The following HSD11B1 variants were observed in gnomAD, a reference collection of about 807,000 sequenced individuals.
HSD11B1 encodes the protein 11-beta-hydroxysteroid dehydrogenase 1.
Under a neutral mutation model 22.1 loss-of-function variants are expected in HSD11B1, and 15 were observed. The ratio of observed to expected loss-of-function variants is 0.68; its 90% CI spans 0.45 to 1.04. The LOEUF is 1.04. Among genes scored for constraint, HSD11B1 ranks in the 50% least tolerant of loss-of-function variants. HSD11B1 has a pLI of 0.00. For synonymous variants in HSD11B1, 122 were observed against 125.2 expected (o/e 0.97, Z 0.17); for missense variants, 281 against 357.6 (o/e 0.79, Z 1.73).
At chr1:209,702,625 C>G (rs1190887177), upstream of HSD11B1, among the ~76,000 whole-genome samples, 1 of 152,116 alleles carries the variant, frequency 6.6e-6, no homozygotes, top group Non-Finnish European at 1.5e-5. Context: ...ATGCCACTGC[C>G]CTGAATGCTA....
Position 209,704,992 on chromosome 1 carries a change from C to T in HSD11B1, c.50C>T (p.Ala17Val), listed in dbSNP as rs1276620104. Residue 17 changes from alanine to valine, a missense_variant, in exon 1 of 6, where the codon GCC becomes GTC. By Grantham distance (64) the Ala-to-Val change is moderately conservative. Coordinates refer to ENST00000367027, the MANE Select transcript of HSD11B1 (RefSeq NM_005525.4). ...YLLPILGLFM[A>V]YYYYSANEEF... ...CTCCCCATTCTGGGGCTCTTCATGGCCTACTACTACTATTCTGCAAACGAG... is the reference window on the plus strand; with the variant it reads ...CTCCCCATTCTGGGGCTCTTCATGGTCTACTACTACTATTCTGCAAACGAG... 1 of 1,613,842 alleles carries T rather than the reference C, an allele frequency of 6.2e-7. No individual in the cohort carries two copies.
At chr1:209,714,878 A>C (rs747122386) in intron 4 of HSD11B1, among the ~76,000 whole-genome samples, 1 of 152,234 alleles carries the variant, frequency 6.6e-6, no homozygotes, top group Non-Finnish European at 1.5e-5. Flanking sequence ...TGGCATCCTC[A>C]CATGGGGCAG....
chr1:209,722,558 C>A (rs1221302073), intron 4 of HSD11B1, among the ~76,000 whole-genome samples: 2 of 152,186 alleles, frequency 1.3e-5, no homozygotes, highest in African/African-American at 4.8e-5. Flanking sequence ...GATGACACCT[C>A]AGGTCTTCTG....
intron 1 of HSD11B1, among the ~76,000 whole-genome samples, chr1:209,687,858 A>G (rs2076737353): frequency 6.6e-6 from 1 of 152,240 alleles, no homozygotes; most frequent in African/African-American, 2.4e-5. Context: ...AATCTGTTTT[A>G]TAACTGTTAG....
At chr1:209,727,437 G>C (rs114225504) in intron 4 of HSD11B1, among the ~76,000 whole-genome samples, 1 of 152,212 alleles carries the variant, frequency 6.6e-6, no homozygotes, top group South Asian at 2.1e-4. Context: ...TTTATTTATG[G>C]GTATCCTCAT....
intron 4 of HSD11B1, among the ~76,000 whole-genome samples, chr1:209,718,834 A>G (rs998278016): frequency 1.3e-5 from 2 of 151,950 alleles, no homozygotes; most frequent in Non-Finnish European, 2.9e-5. Flanking sequence ...AGCCTGGCCA[A>G]TATGGTGAAA....
At chr1:209,687,494 A>G (rs1184680233) in intron 1 of HSD11B1, among the ~76,000 whole-genome samples, 2 of 152,256 alleles carry the variant, frequency 1.3e-5, no homozygotes, top group Non-Finnish European at 2.9e-5. Context: ...TACAGCTAAA[A>G]GTTCTCTGTG....
rs544513165 is a variant in HSD11B1, at chr1:209,734,711, T to G, written c.*190T>G. The G allele has an allele frequency of 5.2e-6, 3 of 575,136 alleles. No homozygotes were observed. The highest frequency in any genetic ancestry group is 9.4e-6 in the Non-Finnish European group (3 of 318,590). The allele number at this position is 575,136 out of a possible 1,614,324, so 35.6% of individuals were successfully genotyped here. ...GGAAATGTAATAATAATGAATGTCA[T>G]GCACCGCTGCAGCCAGCAGTTGTAA... is the stretch of plus-strand genomic sequence containing the variant. On this transcript the variant is annotated 3_prime_UTR_variant, in exon 6 of 6. Coordinates refer to ENST00000367027, the MANE Select transcript of HSD11B1 (RefSeq NM_005525.4).
chr1:209,722,461 C>G (rs1256586546), intron 4 of HSD11B1, among the ~76,000 whole-genome samples: 1 of 152,218 alleles, frequency 6.6e-6, no homozygotes, highest in Admixed American at 6.5e-5. Flanking sequence ...ACCCTCTTCT[C>G]TTTTCACTCA....
At position 209,706,987 on chromosome 1, in the gene HSD11B1, T is replaced by C; in HGVS notation, c.376T>C (p.Leu126=). 2 of 1,614,122 alleles carry C rather than the reference T, an allele frequency of 1.2e-6. No individual in the cohort carries two copies. The highest frequency in any genetic ancestry group is 1.7e-4 in the Middle Eastern group (1 of 6,060). ...TCTCAACCACATCACCAACACTTCT[T>C]TGAATCTTTTTCATGATGATATTCA... ...LILNHITNTS[L]NLFHDDIHHV... The change falls in exon 4 of 6, where the codon TTG becomes CTG. Residue 126 remains leucine (L), a synonymous_variant. Coordinates refer to ENST00000367027, the MANE Select transcript of HSD11B1 (RefSeq NM_005525.4). This position sits in a 1 kb window ranked among gnomAD's most constrained non-coding sequence, Gnocchi z 4.0.
upstream of HSD11B1, among the ~76,000 whole-genome samples, chr1:209,703,548 C>T (rs1413296408): frequency 6.6e-6 from 1 of 152,114 alleles, no homozygotes; most frequent in Non-Finnish European, 1.5e-5. Flanking sequence ...TACAAGTGAC[C>T]CTCACAGCTG....
chr1:209,716,484 A>G (rs1386633075), intron 4 of HSD11B1, among the ~76,000 whole-genome samples: 1 of 152,166 alleles, frequency 6.6e-6, no homozygotes, highest in Non-Finnish European at 1.5e-5. Context: ...TAATGTTGTT[A>G]ACATGACCAT....
intron 4 of HSD11B1, among the ~76,000 whole-genome samples, chr1:209,730,543 A>G (rs1439101711): frequency 6.6e-6 from 1 of 152,208 alleles, no homozygotes; most frequent in Admixed American, 6.5e-5. Flanking sequence ...TCTCAGGGAG[A>G]TGAGCATTTT....
At chr1:209,701,268 C>T (rs1377630464), upstream of HSD11B1, among the ~76,000 whole-genome samples, 3 of 152,070 alleles carry the variant, frequency 2.0e-5, no homozygotes, top group African/African-American at 4.8e-5. Flanking sequence ...AGAATCATGG[C>T]GGGAGGTGAA....
At chr1:209,715,147 T>C (rs2076922476) in intron 4 of HSD11B1, among the ~76,000 whole-genome samples, 2 of 152,118 alleles carry the variant, frequency 1.3e-5, no homozygotes, top group South Asian at 4.2e-4. Flanking sequence ...ACATAAGTAA[T>C]ACATATTGCA....
chr1:209,696,853 G>A (rs76272019), intron 1 of HSD11B1, among the ~76,000 whole-genome samples: 1,990 of 152,350 alleles, frequency 0.013, 45 homozygotes, highest in African/African-American at 0.045. Context: ...AGCTCCAGGG[G>A]CTGCAAGCCC....
chr1:209,720,301 T>C (rs1250187952), intron 4 of HSD11B1, among the ~76,000 whole-genome samples: 1 of 152,076 alleles, frequency 6.6e-6, no homozygotes, highest in Admixed American at 6.6e-5. Flanking sequence ...AGAACAAAAG[T>C]TACTTTTGTG....
Position 209,706,820 on chromosome 1 carries a change from G to C in HSD11B1, c.331G>C (p.Gly111Arg), listed in dbSNP as rs375266448. Reference protein sequence around the residue: ...QFVAQAGKLMGGLDMLILNHI... With the variant: ...QFVAQAGKLMRGLDMLILNHI... The stretch of plus-strand genomic sequence containing the variant: ...TGTTGCCCAAGCAGGAAAGCTCATG[G>C]GTGAGGCTGTTTCTCTTACCTCCTC... The change falls in exon 3 of 6, where the codon GGA becomes CGA. Residue 111 changes from glycine to arginine, a missense_variant and splice_region_variant. By Grantham distance (125) the Gly-to-Arg change is moderately radical. Coordinates refer to ENST00000367027, the MANE Select transcript of HSD11B1 (RefSeq NM_005525.4). This position sits in a 1 kb window ranked among gnomAD's most constrained non-coding sequence, Gnocchi z 4.0. The C allele has an allele frequency of 9.3e-6, 15 of 1,613,450 alleles. No homozygotes were observed. The African/African-American group carries it at 1.9e-4, about 20-fold the overall frequency.
intron 1 of HSD11B1, among the ~76,000 whole-genome samples, chr1:209,690,654 G>A (rs767292547): frequency 1.3e-4 from 20 of 152,050 alleles, no homozygotes; most frequent in African/African-American, 1.9e-4. Context: ...CCAAGATCGC[G>A]CCATTGCACT....
Sources: gnomAD v4.1 joint callset for allele counts (sites outside exome capture counted in the v4.1 genomes callset) on GRCh38, gnomAD v4.1.1 for gene constraint, Gnocchi (gnomAD v3.1) non-coding constraint, MANE v1.5 for transcripts, NCBI Gene and HGNC (gene_info 2026-07-23, HGNC 2026-07-21) for gene names.